Variants in CDK14 observed in about 807,000 individuals in gnomAD.
CDK14 encodes cyclin-dependent kinase 14.
Under a neutral mutation model 60.7 loss-of-function variants are expected in CDK14, and 34 were observed. That is an observed-to-expected ratio of 0.56 (90% CI 0.43 to 0.75). CDK14 has a LOEUF of 0.75. CDK14 is among the 30% of genes least tolerant of loss of function. CDK14 has a pLI of 0.00. For synonymous variants in CDK14, 197 were observed against 203.7 expected (o/e 0.97, Z 0.28); for missense variants, 482 against 564.1 (o/e 0.85, Z 1.47).
At chr7:90,985,830 TG>T (rs1259530303) in intron 10 of CDK14, among the ~76,000 whole-genome samples, 1 of 152,218 alleles carries the variant, frequency 6.6e-6, no homozygotes, top group Non-Finnish European at 1.5e-5. Flanking sequence ...CTGTTGGTTT[TG>T]TTCTTTCAGA....
At position 90,810,501 on chromosome 7, in the gene CDK14, C is replaced by G. The variant is rs531247340; in HGVS notation, c.544+19849C>G. 2.6e-5 allele frequency among the ~76,000 whole-genome samples: 4 copies of G among 152,170 alleles called. No homozygotes were observed. The South Asian group carries it at 8.3e-4, about 32-fold the overall frequency. On this transcript the variant is annotated intron_variant, in intron 5 of 14. Transcript: ENST00000380050. ...ATAATAAGAGCTATCTATGACAAACCCACAGCCAATACCATACTGAATGGG... is the reference window on the plus strand; with the variant it reads ...ATAATAAGAGCTATCTATGACAAACGCACAGCCAATACCATACTGAATGGG...
chr7:90,630,569 A>G (rs1403252817), intron 2 of CDK14, among the ~76,000 whole-genome samples: 1 of 152,238 alleles, frequency 6.6e-6, no homozygotes, highest in African/African-American at 2.4e-5. Flanking sequence ...CTTATTAGCA[A>G]CATTACAAAG....
intron 8 of CDK14, among the ~76,000 whole-genome samples, chr7:90,924,339 C>T (rs1793348048): frequency 6.6e-6 from 1 of 152,212 alleles, no homozygotes; most frequent in Admixed American, 6.5e-5. Context: ...ACCCAAGCAC[C>T]TCTTAAAGGC....
At chr7:90,629,698 A>G (rs1389744314) in intron 2 of CDK14, among the ~76,000 whole-genome samples, 2 of 152,188 alleles carry the variant, frequency 1.3e-5, no homozygotes, top group Non-Finnish European at 2.9e-5. Flanking sequence ...TGGAGATTCA[A>G]TTGATGAAAA....
At chr7:90,676,527 ATTTTTTTTT>A (rs60056655) in intron 2 of CDK14, among the ~76,000 whole-genome samples, 3 of 142,038 alleles carry the variant, frequency 2.1e-5, no homozygotes, top group Non-Finnish European at 4.6e-5. Flanking sequence ...TAGATGTTTC[ATTTTTTTTT>A]TTTTTTTTTT....
rs1800373716 is a variant in CDK14, at chr7:90,642,940, G to C, written c.123+38691G>C. On this transcript the variant is annotated intron_variant, in intron 2 of 14. Coordinates refer to ENST00000380050, the MANE Select transcript of CDK14 (RefSeq NM_001287135.2). ...GAATACCCACTCTGTGTCAAAACTT[G>C]TACCAGATACTGGAGACTGGAGATG... is the stretch of plus-strand genomic sequence containing the variant. Among the ~76,000 whole-genome samples the C allele has an allele frequency of 3.3e-5, 5 of 152,278 alleles. No individual in the cohort carries two copies. In the South Asian group the frequency reaches 1.0e-3, roughly 32 times the overall value.
intron 2 of CDK14, among the ~76,000 whole-genome samples, chr7:90,689,359 G>A (rs1473329889): frequency 6.6e-6 from 1 of 151,918 alleles, no homozygotes; most frequent in Non-Finnish European, 1.5e-5. Flanking sequence ...TTATCACCAG[G>A]GTCCTTTGTT....
chr7:90,874,387 A>G (rs191131454), intron 6 of CDK14, among the ~76,000 whole-genome samples: 1 of 148,994 alleles, frequency 6.7e-6, no homozygotes, highest in East Asian at 2.0e-4. Context: ...CTGTTAAGCT[A>G]TTTCTCTTTA....
intron 2 of CDK14, among the ~76,000 whole-genome samples, chr7:90,702,080 C>CA (rs1379158178): frequency 1.3e-5 from 2 of 152,184 alleles, no homozygotes; most frequent in Non-Finnish European, 2.9e-5. Flanking sequence ...GGATAAGGTG[C>CA]AGCCCTCCTT....
At chr7:91,075,375 T>C (rs1337711442) in intron 11 of CDK14, among the ~76,000 whole-genome samples, 2 of 152,176 alleles carry the variant, frequency 1.3e-5, no homozygotes, top group Non-Finnish European at 1.5e-5. Flanking sequence ...AACCACATGA[T>C]TAACTCAATA....
intron 14 of CDK14, among the ~76,000 whole-genome samples, chr7:91,130,878 T>C (rs1171741164): frequency 1.3e-5 from 2 of 152,122 alleles, no homozygotes; most frequent in African/African-American, 2.4e-5. Flanking sequence ...TTTACATAGC[T>C]TGCTTATAGG....
At chr7:91,060,551 T>G (rs992004061) in intron 11 of CDK14, among the ~76,000 whole-genome samples, 1 of 152,232 alleles carries the variant, frequency 6.6e-6, no homozygotes, top group Non-Finnish European at 1.5e-5. Context: ...ATTGTTCCTT[T>G]CCATGTTTCT....
intron 4 of CDK14, among the ~76,000 whole-genome samples, chr7:90,753,696 T>C (rs34383359): frequency 0.19 from 28,881 of 152,144 alleles, 2,869 homozygotes; most frequent in South Asian, 0.24. Flanking sequence ...AGTGAAATTA[T>C]CCATCTTTGC....
Position 90,951,802 on chromosome 7 carries a change from T to C in CDK14, c.827-3895T>C, listed in dbSNP as rs117873003. ...TCTTTTGGTGTATTCTCTGTATTAA[T>C]TCTGGCTGGAGTTATATTGAGTGCC... On this transcript the variant is annotated intron_variant, in intron 8 of 14. Transcript: ENST00000380050. Among the ~76,000 whole-genome samples the C allele has an allele frequency of 3.0e-3, 460 of 152,280 alleles. 6 individuals carry two copies. Among genetic ancestry groups the C allele is most frequent in the East Asian group, 0.03 (154 of 5,184 alleles).
intron 6 of CDK14, among the ~76,000 whole-genome samples, chr7:90,889,366 A>C (rs1462478215): frequency 1.3e-5 from 2 of 152,178 alleles, no homozygotes; most frequent in Non-Finnish European, 2.9e-5. Context: ...TTTTAATGGA[A>C]GGGATTTTTC....
chr7:90,622,497 T>C (rs1460965820), intron 2 of CDK14, among the ~76,000 whole-genome samples: 1 of 152,238 alleles, frequency 6.6e-6, no homozygotes. Flanking sequence ...ATAAAAGTTG[T>C]GATCCCTGAG....
At chr7:90,808,090 G>A (rs528341928) in intron 5 of CDK14, among the ~76,000 whole-genome samples, 3 of 152,198 alleles carry the variant, frequency 2.0e-5, no homozygotes, top group South Asian at 2.1e-4. Flanking sequence ...GCAGGCCAAC[G>A]TTCAAATTCA....
chr7:90,906,057 C>A, intron 7 of CDK14, among the ~76,000 whole-genome samples: 1 of 152,160 alleles, frequency 6.6e-6, no homozygotes, highest in South Asian at 2.1e-4. Flanking sequence ...TCAAAAAATT[C>A]GGACTATGAC....
intron 6 of CDK14, among the ~76,000 whole-genome samples, chr7:90,869,957 T>G (rs139388667): frequency 6.6e-6 from 1 of 152,346 alleles, no homozygotes; most frequent in East Asian, 1.9e-4. Context: ...TGTTAGCTCG[T>G]AATGCTAAGC....
Sources: allele counts gnomAD v4.1 joint callset (sites outside exome capture counted in the v4.1 genomes callset), GRCh38; gene constraint gnomAD v4.1.1; transcripts MANE v1.5; gene names NCBI Gene and HGNC (gene_info 2026-07-23, HGNC 2026-07-21).